FKBP5: variants seen among roughly 807,000 people sequenced by gnomAD.
The protein encoded by FKBP5 is FKBP prolyl isomerase 5, also known as peptidyl-prolyl cis-trans isomerase FKBP5.
In FKBP5, 23 loss-of-function variants were observed where a neutral mutation model predicts 50.5. The ratio of observed to expected loss-of-function variants is 0.46; its 90% confidence interval spans 0.33 to 0.65. The LOEUF is 0.65. FKBP5 is among the 30% of genes least tolerant of loss of function. FKBP5 has a pLI of 0.02. For missense variants in FKBP5, 411 were observed against 553.1 expected (o/e 0.74, Z 2.58); for synonymous variants, 176 against 190.6 (o/e 0.92, Z 0.63).
At chr6:35,694,329 C>T (rs7763535) in intron 2 of FKBP5, among the ~76,000 whole-genome samples, 1 of 151,776 alleles carries the variant, frequency 6.6e-6, no homozygotes, top group Non-Finnish European at 1.5e-5. Context: ...TTATTTGTAG[C>T]GACAGGTCTC....
At chr6:35,703,141 T>C (rs774076187) in intron 2 of FKBP5, among the ~76,000 whole-genome samples, 7 of 151,928 alleles carry the variant, frequency 4.6e-5, no homozygotes, top group Non-Finnish European at 1.0e-4. Flanking sequence ...TCCCAGCTAC[T>C]TGGGAGGCTG....
intron 2 of FKBP5, among the ~76,000 whole-genome samples, chr6:35,717,100 A>C (rs1030923296): frequency 6.6e-6 from 1 of 152,140 alleles, no homozygotes; most frequent in African/African-American, 2.4e-5. Context: ...GCACCCAAAC[A>C]AGGTGCTGTC....
rs1278741404 is a variant in FKBP5 at position 35,606,696 on chromosome 6, A to G, written c.509-9292T>C. The stretch of plus-strand genomic sequence containing the variant: ...AAAAAAAAAAAAAAAAAAAAAAAAA[A>G]GTCAAAAAAGAACAGATGTTGGCAA... On this transcript the variant is annotated intron_variant, in intron 5 of 10. Coordinates refer to ENST00000357266, the MANE Select transcript of FKBP5 (RefSeq NM_004117.4). Among the ~76,000 whole-genome samples, 48 of 127,260 alleles carry G rather than the reference A, an allele frequency of 3.8e-4. 1 individual carries two copies. Among genetic ancestry groups the G allele is most frequent in the African/African-American group, 1.3e-3 (45 of 33,826 alleles). The allele number at this position is 127,260 out of a possible 152,430, so 83.5% of individuals were successfully genotyped here.
At chr6:35,648,907 C>A (rs1190466126) in intron 1 of FKBP5, among the ~76,000 whole-genome samples, 1 of 151,954 alleles carries the variant, frequency 6.6e-6, no homozygotes, top group African/African-American at 2.4e-5. Flanking sequence ...GGAGATTGTG[C>A]CATTGCACTC....
upstream of FKBP5, among the ~76,000 whole-genome samples, chr6:35,693,225 C>G (rs572094889): frequency 1.4e-5 from 2 of 143,146 alleles, no homozygotes; most frequent in Admixed American, 7.1e-5. Flanking sequence ...TGCAGTGGCG[C>G]GATCTCAGCT....
intron 3 of FKBP5, among the ~76,000 whole-genome samples, chr6:35,630,817 TA>T (rs1183487111): frequency 6.6e-6 from 1 of 152,092 alleles, no homozygotes; most frequent in African/African-American, 2.4e-5. Flanking sequence ...AACCAAACCA[TA>T]AAAGAAAAAA....
intron 1 of FKBP5, among the ~76,000 whole-genome samples, chr6:35,686,208 A>T (rs1765823335): frequency 6.6e-6 from 1 of 152,136 alleles, no homozygotes; most frequent in African/African-American, 2.4e-5. Context: ...ACTTATGCTT[A>T]ATTTTTGAAA....
At chr6:35,699,098 C>T (rs567604879) in intron 2 of FKBP5, among the ~76,000 whole-genome samples, 18 of 152,284 alleles carry the variant, frequency 1.2e-4, no homozygotes, top group African/African-American at 4.3e-4. Context: ...GCAACTTGAA[C>T]AGGGCTGAAT....
At chr6:35,637,894 T>G (rs897926041) in intron 2 of FKBP5, among the ~76,000 whole-genome samples, 2 of 152,334 alleles carry the variant, frequency 1.3e-5, no homozygotes, top group South Asian at 2.1e-4. Flanking sequence ...ATTTCCCTCC[T>G]TTGCTAAAAA....
At chr6:35,663,640 T>C (rs924906020) in intron 1 of FKBP5, among the ~76,000 whole-genome samples, 9 of 152,208 alleles carry the variant, frequency 5.9e-5, no homozygotes, top group African/African-American at 1.9e-4. Context: ...ATGTGCCCTT[T>C]CCTCAGTGCC....
At chr6:35,725,879 C>T (rs1258189444) in intron 1 of FKBP5, among the ~76,000 whole-genome samples, 1 of 152,068 alleles carries the variant, frequency 6.6e-6, no homozygotes, top group Non-Finnish European at 1.5e-5. Context: ...CGAGGTTGGC[C>T]CTGCCTCCTC....
intron 1 of FKBP5, among the ~76,000 whole-genome samples, chr6:35,682,718 G>A (rs565107935): frequency 6.8e-4 from 103 of 151,562 alleles, no homozygotes; most frequent in Admixed American, 1.1e-3. Flanking sequence ...TCCAAAAAAC[G>A]AACAATTTCA....
intron 2 of FKBP5, 151 bp from the exon 3 acceptor site, chr6:35,637,309 A>G (rs945577940): frequency 2.9e-6 from 2 of 680,974 alleles, no homozygotes; most frequent in South Asian, 1.9e-5. Flanking sequence ...CATTCCTCAC[A>G]ATAACTCATT....
chr6:35,668,812 T>C (rs182792734), intron 1 of FKBP5, among the ~76,000 whole-genome samples: 5 of 152,244 alleles, frequency 3.3e-5, no homozygotes, highest in Admixed American at 6.5e-5. Context: ...AACTTCATGA[T>C]TGTCTTAAAG....
chr6:35,644,852 G>A (rs1343500542), intron 1 of FKBP5, among the ~76,000 whole-genome samples: 1 of 152,088 alleles, frequency 6.6e-6, no homozygotes, highest in Non-Finnish European at 1.5e-5. Flanking sequence ...GTATGCCTGG[G>A]AAAATATATG....
At chr6:35,588,953 A>G (rs1229049606) in intron 7 of FKBP5, among the ~76,000 whole-genome samples, 1 of 150,618 alleles carries the variant, frequency 6.6e-6, no homozygotes, top group African/African-American at 2.4e-5. Flanking sequence ...ATGTTGCCCA[A>G]GCTGGTTTTG....
intron 1 of FKBP5, among the ~76,000 whole-genome samples, chr6:35,722,271 G>A (rs536812513): frequency 1.3e-5 from 2 of 152,218 alleles, no homozygotes; most frequent in Admixed American, 1.3e-4. Flanking sequence ...CATTCACGGT[G>A]CTCAGAGCAG....
At position 35,582,353 on chromosome 6, in the gene FKBP5, C is replaced by T. The variant is rs910317243; in HGVS notation, c.841-2132G>A. The T allele has an allele frequency of 2.5e-5, 23 of 923,708 alleles. No homozygotes were observed. In the African/African-American group the frequency reaches 2.9e-4, roughly 11 times the overall value. 57.2% of individuals were successfully genotyped at this position (923,708 alleles called of 1,614,324 possible). A position where few individuals can be genotyped will look rare whatever the true frequency, so the allele number is the denominator to read the frequency against. ...AATTCCTATGTTGAAGCCCTCACCCCGAATGTGATATTTGCAGATGGAGCA... is the reference window on the plus strand; with the variant it reads ...AATTCCTATGTTGAAGCCCTCACCCTGAATGTGATATTTGCAGATGGAGCA... On this transcript the variant is annotated intron_variant, in intron 8 of 10. Coordinates refer to ENST00000357266, the MANE Select transcript of FKBP5 (RefSeq NM_004117.4).
At position 35,629,659 on chromosome 6, in the gene FKBP5, GCAC is replaced by G. The variant is rs1334080059; in HGVS notation, c.250+7352_250+7354del. Among the ~76,000 whole-genome samples, 4 of 152,218 alleles carry G rather than the reference GCAC, an allele frequency of 2.6e-5. No individual in the cohort carries two copies. In the East Asian group the frequency reaches 5.8e-4, roughly 22 times the overall value. ...TAATTACTCTTTGCAAAGAACTATA[GCAC>G]CACAACACTGTACTCAAAAAGAGAA... On this transcript the variant is annotated intron_variant, in intron 3 of 10. Coordinates refer to ENST00000357266, the MANE Select transcript of FKBP5 (RefSeq NM_004117.4).
Sources: allele counts gnomAD v4.1 joint callset (sites outside exome capture counted in the v4.1 genomes callset), GRCh38; gene constraint gnomAD v4.1.1; transcripts MANE v1.5; gene names NCBI Gene and HGNC (gene_info 2026-07-23, HGNC 2026-07-21).